Variants in MACROD2 observed in about 807,000 individuals in gnomAD.
MACROD2 encodes the protein mono-ADP ribosylhydrolase 2.
Under a neutral mutation model 70.4 loss-of-function variants are expected in MACROD2, and 36 were observed. The observed-to-expected ratio is 0.51, with a 90% CI of 0.39 to 0.68. MACROD2 has a LOEUF of 0.68. MACROD2 is among the 30% of genes least tolerant of loss of function. MACROD2 has a pLI of 0.00. For missense variants in MACROD2, 496 were observed against 538.4 expected, an observed-to-expected ratio of 0.92 and a Z score of 0.78; for synonymous variants, 172 against 178.8, an observed-to-expected ratio of 0.96 and a Z score of 0.30.
intron 8 of MACROD2, among the ~76,000 whole-genome samples, chr20:15,719,951 A>T (rs2050764365): frequency 6.6e-6 from 1 of 151,940 alleles, no homozygotes; most frequent in Non-Finnish European, 1.5e-5. Context: ...TTTATCTCCC[A>T]ATGTCCCCTA....
At chr20:15,519,051 G>C (rs1031801693) in intron 8 of MACROD2, among the ~76,000 whole-genome samples, 3 of 145,310 alleles carry the variant, frequency 2.1e-5, no homozygotes, top group Non-Finnish European at 3.1e-5. Context: ...CTGTTAACTC[G>C]CTCTTTCCTT....
intron 3 of MACROD2, chr20:14,223,007 T>C (rs1485418883): frequency 2.0e-5 from 3 of 152,190 alleles, no homozygotes; most frequent in Admixed American, 6.5e-5. Flanking sequence ...TTGTATAGGC[T>C]TTGCTTGCTC....
chr20:14,220,991 C>T (rs966862768), intron 3 of MACROD2, among the ~76,000 whole-genome samples: 2 of 152,296 alleles, frequency 1.3e-5, no homozygotes, highest in African/African-American at 2.4e-5. Context: ...CGAGGTGCCG[C>T]CCACTGCTCT....
At chr20:14,594,393 T>C (rs1981982698) in intron 4 of MACROD2, among the ~76,000 whole-genome samples, 1 of 152,212 alleles carries the variant, frequency 6.6e-6, no homozygotes, top group Non-Finnish European at 1.5e-5. Context: ...TAAAAACTAA[T>C]ATAACACTTC....
chr20:14,440,374 A>G (rs1442487382), intron 3 of MACROD2, among the ~76,000 whole-genome samples: 2 of 152,008 alleles, frequency 1.3e-5, no homozygotes, highest in Non-Finnish European at 2.9e-5. Flanking sequence ...GTTTTAGCTC[A>G]TCAACTATTG....
At chr20:14,566,349 C>A (rs1979803209) in intron 4 of MACROD2, among the ~76,000 whole-genome samples, 1 of 151,778 alleles carries the variant, frequency 6.6e-6, no homozygotes, top group Non-Finnish European at 1.5e-5. Flanking sequence ...ATCACTTGAG[C>A]CCAGGAGTTC....
intron 5 of MACROD2, among the ~76,000 whole-genome samples, chr20:14,721,254 CAAAAA>C (rs200181158): frequency 1.1e-5 from 1 of 90,290 alleles, no homozygotes. Context: ...GACCCCATCT[CAAAAA>C]AAAAAAAAAA....
intron 5 of MACROD2, among the ~76,000 whole-genome samples, chr20:14,998,185 C>G (rs1202611882): frequency 6.6e-6 from 1 of 152,130 alleles, no homozygotes; most frequent in East Asian, 1.9e-4. Context: ...AAATACCTAA[C>G]TATTTAATAT....
intron 6 of MACROD2, among the ~76,000 whole-genome samples, chr20:15,339,885 T>C (rs955408185): frequency 2.2e-4 from 33 of 151,564 alleles, no homozygotes; most frequent in Admixed American, 3.9e-4. Flanking sequence ...ATCTTTTCCA[T>C]TGCAATGTAG....
chr20:15,385,961 G>A (rs992239628), intron 6 of MACROD2, among the ~76,000 whole-genome samples: 4 of 152,138 alleles, frequency 2.6e-5, no homozygotes, highest in Admixed American at 2.6e-4. Context: ...GGTCACGAGA[G>A]CTAAAATCTT....
At chr20:14,544,157 C>A (rs571396555) in intron 4 of MACROD2, among the ~76,000 whole-genome samples, 3 of 151,136 alleles carry the variant, frequency 2.0e-5, no homozygotes, top group Non-Finnish European at 4.4e-5. Flanking sequence ...TGACTCTTTT[C>A]GAAACTATTG....
At chr20:14,560,771 A>C (rs759161770) in intron 4 of MACROD2, among the ~76,000 whole-genome samples, 10 of 151,890 alleles carry the variant, frequency 6.6e-5, no homozygotes, top group Non-Finnish European at 1.3e-4. Context: ...AAATGCCGAC[A>C]CTTATTTTAG....
intron 5 of MACROD2, among the ~76,000 whole-genome samples, chr20:15,005,909 G>A (rs981422587): frequency 2.0e-4 from 30 of 152,128 alleles, no homozygotes; most frequent in Middle Eastern, 3.4e-3. Context: ...AGCCGATTTT[G>A]CCTCTTATGA....
intron 2 of MACROD2, among the ~76,000 whole-genome samples, chr20:14,046,708 C>A (rs1341098493): frequency 6.9e-6 from 1 of 145,392 alleles, no homozygotes; most frequent in African/African-American, 2.5e-5. Context: ...TACTCCCAAG[C>A]ATTCTCTTTT....
chr20:15,590,041 TAGAGA>T (rs1206423497), intron 8 of MACROD2, among the ~76,000 whole-genome samples: 2 of 152,160 alleles, frequency 1.3e-5, no homozygotes, highest in Non-Finnish European at 2.9e-5. Context: ...AGATCATGAA[TAGAGA>T]ATAGAAAACC....
At chr20:15,984,415 T>C (rs1396480062) in intron 13 of MACROD2, among the ~76,000 whole-genome samples, 2 of 152,300 alleles carry the variant, frequency 1.3e-5, no homozygotes, top group African/African-American at 4.8e-5. Context: ...CATAAACTGT[T>C]TCTTTAATGG....
intron 10 of MACROD2, among the ~76,000 whole-genome samples, chr20:15,921,079 C>T (rs1323443928): frequency 6.6e-6 from 1 of 152,104 alleles, no homozygotes; most frequent in Non-Finnish European, 1.5e-5. Context: ...TATTCCTACC[C>T]CACAAAACAG....
At chr20:14,100,477 T>C (rs182260269) in intron 3 of MACROD2, among the ~76,000 whole-genome samples, 92 of 149,770 alleles carry the variant, frequency 6.1e-4, no homozygotes, top group African/African-American at 2.1e-3. Flanking sequence ...ATAACACTGA[T>C]GCATGTTTAT....
chr20:14,531,097 G>A (rs1385838708), intron 4 of MACROD2, among the ~76,000 whole-genome samples: 1 of 152,182 alleles, frequency 6.6e-6, no homozygotes, highest in Admixed American at 6.5e-5. Context: ...TTTGGGGACA[G>A]GGAAGGTAGG....
Sources: gnomAD v4.1 joint callset for allele counts (sites outside exome capture counted in the v4.1 genomes callset) on GRCh38, gnomAD v4.1.1 for gene constraint, MANE v1.5 for transcripts, NCBI Gene and HGNC (gene_info 2026-07-23, HGNC 2026-07-21) for gene names.